The following RSRC1 variants were observed in gnomAD, a reference collection of about 807,000 sequenced individuals.
RSRC1 encodes the protein serine/Arginine-related protein 53.
A neutral mutation model predicts 49.1 loss-of-function variants in RSRC1; 39 were observed. The observed-to-expected ratio is 0.79, with a 90% CI of 0.61 to 1.04. The LOEUF (loss-of-function observed/expected upper bound fraction) is 1.04. Among genes scored for constraint, RSRC1 ranks in the 50% least tolerant of loss-of-function variants. The probability of loss-of-function intolerance (pLI) is 0.00; values close to 1 mark genes in which losing one functional copy is unlikely to be tolerated. For synonymous variants in RSRC1, 143 were observed against 130.8 expected (o/e 1.09, Z -0.63); for missense variants, 388 against 402.4 (o/e 0.96, Z 0.31).
At chr3:158,331,231 T>C (rs944738096) in intron 5 of RSRC1, among the ~76,000 whole-genome samples, 9 of 152,214 alleles carry the variant, frequency 5.9e-5, no homozygotes, top group Admixed American at 4.6e-4. Context: ...GAATTAGCTG[T>C]CATTTATATT....
At chr3:158,532,412 G>A (rs1234376930) in intron 7 of RSRC1, among the ~76,000 whole-genome samples, 1 of 151,822 alleles carries the variant, frequency 6.6e-6, no homozygotes, top group African/African-American at 2.4e-5. Flanking sequence ...ATGAAAGATT[G>A]ATATGGACCT....
chr3:158,112,766 C>T (rs1434139583), intron 1 of RSRC1, among the ~76,000 whole-genome samples: 2 of 152,054 alleles, frequency 1.3e-5, no homozygotes, highest in Admixed American at 6.5e-5. Context: ...GCCCAGCATG[C>T]GTTATCTATT....
At chr3:158,485,631 C>T (rs990394061) in intron 7 of RSRC1, among the ~76,000 whole-genome samples, 6 of 152,056 alleles carry the variant, frequency 3.9e-5, no homozygotes, top group Non-Finnish European at 7.4e-5. Flanking sequence ...TTTTTTCCTA[C>T]ATATGACACT....
intron 3 of RSRC1, among the ~76,000 whole-genome samples, chr3:158,125,412 T>A (rs972538260): frequency 5.3e-5 from 8 of 152,152 alleles, no homozygotes; most frequent in Non-Finnish European, 7.4e-5. Flanking sequence ...TTTTACTATG[T>A]GTGTTTGTGT....
chr3:158,428,600 G>A (rs901130790), intron 6 of RSRC1, among the ~76,000 whole-genome samples: 2 of 151,786 alleles, frequency 1.3e-5, no homozygotes, highest in African/African-American at 4.8e-5. Context: ...AAGATGTCTG[G>A]CACATATAAA....
At chr3:158,271,144 A>T (rs906305510) in intron 4 of RSRC1, among the ~76,000 whole-genome samples, 3 of 150,578 alleles carry the variant, frequency 2.0e-5, no homozygotes, top group African/African-American at 7.3e-5. Flanking sequence ...AATTTTTTTG[A>T]AGTAATGATT....
intron 6 of RSRC1, among the ~76,000 whole-genome samples, chr3:158,416,592 C>T (rs537377931): frequency 2.2e-4 from 33 of 152,146 alleles, no homozygotes; most frequent in Admixed American, 2.1e-3. Flanking sequence ...CAGAGGAATC[C>T]AGTCCCTAGC....
intron 6 of RSRC1, among the ~76,000 whole-genome samples, chr3:158,391,948 T>C (rs1328251878): frequency 6.6e-6 from 1 of 152,102 alleles, no homozygotes; most frequent in East Asian, 1.9e-4. Flanking sequence ...GAAATAAGCC[T>C]TATTAAGCCA....
At chr3:158,242,576 T>C (rs981466244) in intron 4 of RSRC1, among the ~76,000 whole-genome samples, 29 of 152,186 alleles carry the variant, frequency 1.9e-4, no homozygotes, top group Non-Finnish European at 3.2e-4. Flanking sequence ...AGTAATGTGA[T>C]TGCTGAGTCA....
chr3:158,145,329 C>T (rs1432982500), intron 3 of RSRC1, among the ~76,000 whole-genome samples: 6 of 152,036 alleles, frequency 3.9e-5, no homozygotes, highest in Non-Finnish European at 7.3e-5. Flanking sequence ...GGAAGGGATC[C>T]AGTTTCAGCT....
At chr3:158,325,385 C>T (rs530508923) in intron 5 of RSRC1, among the ~76,000 whole-genome samples, 3 of 152,166 alleles carry the variant, frequency 2.0e-5, no homozygotes, top group African/African-American at 7.2e-5. Flanking sequence ...GTCTTTAATC[C>T]ATCTTGAATT....
rs146909499 is a variant in RSRC1 at position 158,488,488 on chromosome 3, GTGAC to G, written c.652+27494_652+27497del. 6.0e-3 allele frequency among the ~76,000 whole-genome samples: 906 copies of G among 152,186 alleles called. 3 individuals carry two copies. The highest frequency in any genetic ancestry group is 0.021 in the African/African-American group (851 of 41,512). ...GTTCAGCTCAGACAAGAAATTCTTT[GTGAC>G]TGACTGACAAGAGGATGTTTTTTCT... On this transcript the variant is annotated intron_variant, in intron 7 of 9. Transcript: ENST00000611884.
At chr3:158,281,727 TAAAGAG>T (rs1644227803) in intron 4 of RSRC1, among the ~76,000 whole-genome samples, 1 of 152,160 alleles carries the variant, frequency 6.6e-6, no homozygotes, top group African/African-American at 2.4e-5. Flanking sequence ...AAGAATTGTA[TAAAGAG>T]AAAGATGATA....
In RSRC1 at chr3:158,325,223, T is replaced by G. The variant is rs554662468; in HGVS notation, c.531+27148T>G. Among the ~76,000 whole-genome samples, 16 of 152,324 alleles carry G rather than the reference T, an allele frequency of 1.1e-4. No individual in the cohort carries two copies. The South Asian group carries it at 2.9e-3, about 28-fold the overall frequency. On this transcript the variant is annotated intron_variant, in intron 5 of 9. Transcript: ENST00000611884. Reference sequence around the variant, plus strand: ...AGTTTCTTTTGCTGTGTAGAAGCTCTTTAGTTTAATTAGATCCCATTTGTC... The same window carrying G: ...AGTTTCTTTTGCTGTGTAGAAGCTCGTTAGTTTAATTAGATCCCATTTGTC...
At chr3:158,444,795 TCAAA>T (rs1160732460) in intron 6 of RSRC1, among the ~76,000 whole-genome samples, 10 of 151,666 alleles carry the variant, frequency 6.6e-5, no homozygotes, top group Non-Finnish European at 1.2e-4. Context: ...TACAAAGAAC[TCAAA>T]CAAATTTACA....
chr3:158,515,468 G>A (rs1012969526), intron 7 of RSRC1, among the ~76,000 whole-genome samples: 12 of 136,934 alleles, frequency 8.8e-5, no homozygotes, highest in Non-Finnish European at 1.4e-4. Flanking sequence ...CGAGAGATCC[G>A]CTGTTAGTCT....
At chr3:158,124,465 G>T (rs1014680038) in intron 3 of RSRC1, among the ~76,000 whole-genome samples, 5 of 152,166 alleles carry the variant, frequency 3.3e-5, no homozygotes, top group Non-Finnish European at 4.4e-5. Context: ...CTCCTTTTCA[G>T]TTTTTTTGGA....
At chr3:158,263,583 T>G (rs1480979460) in intron 4 of RSRC1, among the ~76,000 whole-genome samples, 2 of 152,150 alleles carry the variant, frequency 1.3e-5, no homozygotes, top group African/African-American at 4.8e-5. Context: ...TGGAAGAGTG[T>G]GTAGAGAATT....
intron 7 of RSRC1, among the ~76,000 whole-genome samples, chr3:158,517,395 G>A (rs866314045): frequency 9.2e-5 from 14 of 152,114 alleles, no homozygotes; most frequent in African/African-American, 3.4e-4. Flanking sequence ...GTACCTAATA[G>A]AAATGGTGAT....
Sources: gnomAD v4.1 joint callset for allele counts (sites outside exome capture counted in the v4.1 genomes callset) on GRCh38, gnomAD v4.1.1 for gene constraint, MANE v1.5 for transcripts, NCBI Gene and HGNC (gene_info 2026-07-23, HGNC 2026-07-21) for gene names.